CNTN6: variants seen among roughly 807,000 people sequenced by gnomAD.
CNTN6 encodes contactin 6, also known as contactin-6.
CNTN6 carries 137 observed loss-of-function variants against 122.8 expected under a neutral mutation model. The ratio of observed to expected loss-of-function variants is 1.12; its 90% confidence interval spans 0.97 to 1.29. CNTN6 has a LOEUF of 1.29. Among genes scored for constraint, CNTN6 ranks in the 50% most tolerant of loss-of-function variants. CNTN6 has a pLI of 0.00. For synonymous variants in CNTN6, 570 were observed against 426.0 expected, an observed-to-expected ratio of 1.34 and a Z score of -4.16; for missense variants, 1,634 against 1,223.4, an observed-to-expected ratio of 1.34 and a Z score of -5.01.
intron 5 of CNTN6, among the ~76,000 whole-genome samples, chr3:1,292,832 T>C (rs951805829): frequency 1.3e-5 from 2 of 152,096 alleles, no homozygotes; most frequent in African/African-American, 4.8e-5. Context: ...TGTATTTCCC[T>C]CCACTCACTC....
chr3:1,316,571 T>C (rs932622766), intron 7 of CNTN6, among the ~76,000 whole-genome samples: 2 of 151,916 alleles, frequency 1.3e-5, no homozygotes, highest in African/African-American at 4.8e-5. Context: ...TACTGGGGAT[T>C]ACATTTTTAC....
chr3:1,155,285 A>G (rs2092937774), intron 2 of CNTN6, among the ~76,000 whole-genome samples: 1 of 152,242 alleles, frequency 6.6e-6, no homozygotes, highest in African/African-American at 2.4e-5. Flanking sequence ...TGCCTAGTAC[A>G]GTGCCTGACG....
At chr3:1,382,361 G>C (rs1013823875) in intron 17 of CNTN6, among the ~76,000 whole-genome samples, 1 of 152,166 alleles carries the variant, frequency 6.6e-6, no homozygotes. Flanking sequence ...CTTTGTGAGA[G>C]TTAACAGTTT....
At chr3:1,172,733 T>C (rs2093380723) in intron 2 of CNTN6, among the ~76,000 whole-genome samples, 1 of 152,022 alleles carries the variant, frequency 6.6e-6, no homozygotes. Flanking sequence ...TCCCAGTGGA[T>C]CACATATTCT....
intron 2 of CNTN6, among the ~76,000 whole-genome samples, chr3:1,218,803 C>T (rs1389692771): frequency 1.3e-5 from 2 of 152,164 alleles, no homozygotes; most frequent in Non-Finnish European, 2.9e-5. Flanking sequence ...GTACGGTGAG[C>T]ATCCTCATGA....
At chr3:1,242,042 G>A (rs1488302908) in intron 4 of CNTN6, among the ~76,000 whole-genome samples, 1 of 152,188 alleles carries the variant, frequency 6.6e-6, no homozygotes, top group Non-Finnish European at 1.5e-5. Context: ...GAAGGTGCTG[G>A]GGTTTGAGAG....
chr3:1,326,069 G>A, intron 9 of CNTN6, 118 bp downstream of exon 9: 1 of 829,148 alleles, frequency 1.2e-6, no homozygotes, highest in Non-Finnish European at 1.9e-6. Context: ...TATGTTCCAG[G>A]AAAGGATGCA....
intron 9 of CNTN6, among the ~76,000 whole-genome samples, chr3:1,326,209 T>TATC (rs749670730): frequency 6.6e-6 from 1 of 151,816 alleles, no homozygotes; most frequent in Non-Finnish European, 1.5e-5. Context: ...CACATTTAAA[T>TATC]ATCATCATCA....
At chr3:1,374,871 A>G (rs745915713) in intron 16 of CNTN6, among the ~76,000 whole-genome samples, 1 of 152,132 alleles carries the variant, frequency 6.6e-6, no homozygotes, top group African/African-American at 2.4e-5. Context: ...TATGTTTATC[A>G]TAGAATTGGG....
chr3:1,184,863 T>C (rs1330217974), intron 2 of CNTN6, among the ~76,000 whole-genome samples: 1 of 152,130 alleles, frequency 6.6e-6, no homozygotes, highest in African/African-American at 2.4e-5. Context: ...TACTGGTATT[T>C]TCTACTAGAA....
At chr3:1,195,463 A>T (rs1384186642) in intron 2 of CNTN6, among the ~76,000 whole-genome samples, 1 of 152,176 alleles carries the variant, frequency 6.6e-6, no homozygotes. Flanking sequence ...ATCTTGAGAG[A>T]TATTTGTTAG....
At chr3:1,362,100 A>G (rs1459508280) in intron 12 of CNTN6, among the ~76,000 whole-genome samples, 2 of 152,172 alleles carry the variant, frequency 1.3e-5, no homozygotes, top group Non-Finnish European at 2.9e-5. Flanking sequence ...AAAACAAAAT[A>G]AAATAAAATT....
intron 2 of CNTN6, among the ~76,000 whole-genome samples, chr3:1,211,501 T>C (rs77626742): frequency 0.066 from 9,988 of 152,244 alleles, 409 homozygotes; most frequent in Middle Eastern, 0.11. Flanking sequence ...GCTGTTTTAG[T>C]TGTAAGAAAC....
At chr3:1,131,073 T>C (rs2092323278) in intron 1 of CNTN6, among the ~76,000 whole-genome samples, 1 of 152,108 alleles carries the variant, frequency 6.6e-6, no homozygotes, top group African/African-American at 2.4e-5. Context: ...AGATGTTCCA[T>C]AAAGCTGGCT....
intron 12 of CNTN6, among the ~76,000 whole-genome samples, chr3:1,360,345 C>A (rs1162437283): frequency 6.6e-6 from 1 of 152,034 alleles, no homozygotes; most frequent in African/African-American, 2.4e-5. Context: ...TGTTTTAAAT[C>A]TGTTATCAAC....
At chr3:1,228,015 TAATCTTTGTCTCTG>T in intron 4 of CNTN6, 22 bp downstream of exon 4, 1 of 1,604,380 alleles carries the variant, frequency 6.2e-7, no homozygotes, top group Non-Finnish European at 8.5e-7. Context: ...GTAAATTTTG[TAATCTTTGTCTCTG>T]AAAATATAAT....
chr3:1,241,698 C>T (rs917138438), intron 4 of CNTN6, among the ~76,000 whole-genome samples: 3 of 151,994 alleles, frequency 2.0e-5, no homozygotes, highest in Non-Finnish European at 2.9e-5. Context: ...ATACACCAGG[C>T]CAGATTGATT....
chr3:1,341,105 C>G (rs867761706), intron 11 of CNTN6, among the ~76,000 whole-genome samples: 2 of 152,068 alleles, frequency 1.3e-5, no homozygotes, highest in Non-Finnish European at 2.9e-5. Flanking sequence ...TCAGACTTCT[C>G]CATTCTGTTC....
chr3:1,158,877 CACATAT>C (rs1559422556), intron 2 of CNTN6, among the ~76,000 whole-genome samples: 1 of 110,600 alleles, frequency 9.0e-6, no homozygotes, highest in Non-Finnish European at 1.7e-5. Flanking sequence ...CATATATATA[CACATAT>C]ATACACACAT....
Sources: allele counts gnomAD v4.1 joint callset (sites outside exome capture counted in the v4.1 genomes callset), GRCh38; gene constraint gnomAD v4.1.1; transcripts MANE v1.5; gene names NCBI Gene and HGNC (gene_info 2026-07-23, HGNC 2026-07-21).